The following RC3H1 variants were observed in gnomAD, a reference collection of about 807,000 sequenced individuals.
The protein encoded by RC3H1 is ring finger and CCCH-type domains 1.
RC3H1 carries 50 observed loss-of-function variants against 138.2 expected under a neutral mutation model. The ratio of observed to expected loss-of-function variants is 0.36; its 90% CI spans 0.29 to 0.46. The LOEUF is 0.46. Ranked by LOEUF, RC3H1 falls within the 20% of genes least tolerant of loss-of-function variation. The probability of loss-of-function intolerance (pLI) is 1.00; values close to 1 mark genes in which losing one functional copy is unlikely to be tolerated. For synonymous variants in RC3H1, 462 were observed against 489.1 expected (o/e 0.94, Z 0.73); for missense variants, 1,031 against 1,388.1 (o/e 0.74, Z 4.09).
chr1:173,964,371 A>AGACAGAGT lies in RC3H1; in HGVS notation c.1617-192_1617-185dup, dbSNP rs1283212442. Among the ~76,000 whole-genome samples the AGACAGAGT allele has an allele frequency of 2.7e-5, 4 of 150,252 alleles. No individual in the cohort carries two copies. In the East Asian group the frequency reaches 7.8e-4, roughly 29 times the overall value. ...AATTGTTTCTTTTCTTTTTTTTTTG[A>AGACAGAGT]GACAGAGTCTCGCTCTGTTGCTCTG... On this transcript the variant is annotated intron_variant, in intron 10 of 19. Transcript: ENST00000367696.
Position 173,937,256 on chromosome 1 carries a change from C to T in RC3H1, c.*1465G>A, listed in dbSNP as rs541959991. The T allele has an allele frequency of 1.3e-5, 2 of 152,132 alleles. No individual in the cohort carries two copies. The highest frequency in any genetic ancestry group is 3.9e-4 in the East Asian group (2 of 5,154). 9.4% of individuals were successfully genotyped at this position (152,132 alleles called of 1,614,324 possible). On this transcript the variant is annotated 3_prime_UTR_variant, in exon 20 of 20. Coordinates refer to ENST00000367696, the MANE Select transcript of RC3H1 (RefSeq NM_172071.4). Reference sequence around the variant, plus strand: ...GCTTAGACTGAGGTTGTTATGACCTCAGCAGGAGTTAAGGGTTAAGAAAAT... The same window carrying T: ...GCTTAGACTGAGGTTGTTATGACCTTAGCAGGAGTTAAGGGTTAAGAAAAT...
chr1:174,017,783 C>CTTAAAAAAAAAAA (rs1165317766), intron 1 of RC3H1, among the ~76,000 whole-genome samples: 1 of 72,038 alleles, frequency 1.4e-5, no homozygotes, highest in Non-Finnish European at 2.6e-5. Context: ...TTTTCTTGCT[C>CTTAAAAAAAAAAA]AAAAAAAAAA....
At position 173,947,444 on chromosome 1, in the gene RC3H1, T is replaced by G; in HGVS notation, c.2662A>C (p.Thr888Pro). 1 of 1,613,994 alleles carries G rather than the reference T, an allele frequency of 6.2e-7. No homozygotes were observed. The highest frequency in any genetic ancestry group is 8.5e-7 in the Non-Finnish European group (1 of 1,179,998). ...ATTGGACCAGCACCCTGATATATAG[T>G]TTTGGAAGTTCGTGAGATGGCACCA... ...RFGAISRTSK[T>P]IYQGAGPMQA... The change falls in exon 15 of 20, where the codon ACT (threonine) becomes CCT (proline). Residue 888 changes from threonine to proline, a missense_variant. Thr to Pro is a conservative substitution (Grantham distance 38). This residue lies in a region of RC3H1 where 716 missense variants were observed against 837.9 expected (regional missense o/e 0.85). Coordinates refer to ENST00000367696, the MANE Select transcript of RC3H1 (RefSeq NM_172071.4).
In RC3H1 at chr1:173,993,774, A is replaced by C. The variant is rs549214626; in HGVS notation, c.-150-639T>G. Among the ~76,000 whole-genome samples, 537 of 151,064 alleles carry C rather than the reference A, an allele frequency of 3.6e-3. 4 individuals carry two copies. Among genetic ancestry groups the C allele is most frequent in the African/African-American group, 0.013 (522 of 41,332 alleles). Reference sequence around the variant, plus strand: ...GTGGCTCACGCCTGTAATCCCAGCAATTTGGGAGGCCAAGGCAGGCAGATT... The same window carrying C: ...GTGGCTCACGCCTGTAATCCCAGCACTTTGGGAGGCCAAGGCAGGCAGATT... On this transcript the variant is annotated intron_variant, in intron 1 of 19. Transcript: ENST00000367696.
At chr1:173,971,453 CA>C (rs1164294168) in intron 8 of RC3H1, among the ~76,000 whole-genome samples, 1 of 152,006 alleles carries the variant, frequency 6.6e-6, no homozygotes, top group Non-Finnish European at 1.5e-5. Flanking sequence ...TCTTGACATG[CA>C]GAATAATATA....
At position 173,961,924 on chromosome 1, in the gene RC3H1, G is replaced by C; in HGVS notation, c.2003C>G (p.Ser668Cys). Residue 668 changes from serine to cysteine, a missense_variant, in exon 12 of 20, where the codon TCT (serine) becomes TGT (cysteine). Physicochemically the swap from Ser to Cys is moderately radical, Grantham distance 112. This residue lies in a region of RC3H1 where 716 missense variants were observed against 837.9 expected (regional missense o/e 0.85). Coordinates refer to ENST00000367696, the MANE Select transcript of RC3H1 (RefSeq NM_172071.4). ...GTACACTCGACGGCCATCATAGTGA[G>C]ATGGGTATATAGGTGGGTACTGCTG... ...QPQQYPPIYP[S>C]HYDGRRVYPA... 1 of 1,614,126 alleles carries C rather than the reference G, an allele frequency of 6.2e-7. No homozygotes were observed. Among genetic ancestry groups the C allele is most frequent in the Non-Finnish European group, 8.5e-7 (1 of 1,179,996 alleles).
intron 13 of RC3H1, among the ~76,000 whole-genome samples, chr1:173,958,659 G>A (rs1016705946): frequency 2.0e-5 from 3 of 151,946 alleles, no homozygotes; most frequent in Non-Finnish European, 4.4e-5. Flanking sequence ...GAACATCACT[G>A]TAGACCATCT....
chr1:173,952,690 TTCAA>T (rs1659467881), intron 13 of RC3H1, among the ~76,000 whole-genome samples: 1 of 152,176 alleles, frequency 6.6e-6, no homozygotes, highest in Non-Finnish European at 1.5e-5. Context: ...CTTAGGTTGA[TTCAA>T]TGAGATGAAA....
intron 2 of RC3H1, among the ~76,000 whole-genome samples, chr1:173,985,008 G>GA (rs1660966597): frequency 6.6e-6 from 1 of 152,032 alleles, no homozygotes; most frequent in Non-Finnish European, 1.5e-5. Flanking sequence ...TTGGAAAGAC[G>GA]AATCTATTTT....
Position 173,940,199 on chromosome 1 carries a change from C to T in RC3H1, c.3251+1066G>A, listed in dbSNP as rs556266590. On this transcript the variant is annotated intron_variant, in intron 19 of 19. Coordinates refer to ENST00000367696, the MANE Select transcript of RC3H1 (RefSeq NM_172071.4). ...TAAAAAGACTGGAAAGAGCCGGGTG[C>T]GGTGGCTCATACCTGTAATCCCAGC... 4.2e-4 allele frequency among the ~76,000 whole-genome samples: 64 copies of T among 151,934 alleles called. No homozygotes were observed. The South Asian group carries it at 0.012, about 29-fold the overall frequency.
At chr1:173,965,447 T>C (rs899702317) in intron 9 of RC3H1, among the ~76,000 whole-genome samples, 2 of 151,916 alleles carry the variant, frequency 1.3e-5, no homozygotes, top group Non-Finnish European at 1.5e-5. Context: ...AAAAATTAGC[T>C]GGGTGTGGTG....
rs1159893747 is a variant in RC3H1 at position 173,934,324 on chromosome 1, C to T, written c.*4397G>A. The T allele has an allele frequency of 1.3e-5, 2 of 152,098 alleles. No homozygotes were observed. The highest frequency in any genetic ancestry group is 2.4e-5 in the African/African-American group (1 of 41,410). 9.4% of individuals were successfully genotyped at this position (152,098 alleles called of 1,614,324 possible). A position where few individuals can be genotyped will look rare whatever the true frequency, so the allele number is the denominator to read the frequency against. On this transcript the variant is annotated 3_prime_UTR_variant, in exon 20 of 20. Coordinates refer to ENST00000367696, the MANE Select transcript of RC3H1 (RefSeq NM_172071.4). ...TCTTTTACTCAGACCCATGACTTGA[C>T]CACAGTGATAGCAGAAGCTGGGGTG...
rs769475000 is a variant in RC3H1 at position 173,933,078 on chromosome 1, TAAC to T, written c.*5640_*5642del. 4.9e-5 allele frequency: 7 copies of T among 142,398 alleles called. No individual in the cohort carries two copies. The East Asian group carries it at 7.7e-4, about 16-fold the overall frequency. The allele number at this position is 142,398 out of a possible 1,614,324, so 8.8% of individuals were successfully genotyped here. ...ATCTAGTATAAAATAAACATTAGGA[TAAC>T]AAACTCCACAGGATTTTATTTTTCT... is the stretch of plus-strand genomic sequence containing the variant. On this transcript the variant is annotated 3_prime_UTR_variant, in exon 20 of 20. Transcript: ENST00000367696.
At chr1:173,955,589 G>A (rs1483406118) in intron 13 of RC3H1, among the ~76,000 whole-genome samples, 3 of 151,902 alleles carry the variant, frequency 2.0e-5, no homozygotes, top group Non-Finnish European at 4.4e-5. Flanking sequence ...AAAGTGCTGG[G>A]ATTACAGGTG....
intron 2 of RC3H1, among the ~76,000 whole-genome samples, chr1:173,991,174 G>T (rs1661272822): frequency 6.6e-6 from 1 of 152,132 alleles, no homozygotes; most frequent in Non-Finnish European, 1.5e-5. Context: ...AGATTGCAGT[G>T]AGCCAAGATC....
chr1:173,981,429 T>G (rs2103006959), intron 5 of RC3H1, among the ~76,000 whole-genome samples: 1 of 152,378 alleles, frequency 6.6e-6, no homozygotes, highest in Non-Finnish European at 1.5e-5. Flanking sequence ...ATTTTGGATT[T>G]TTGTATAGTC....
intron 1 of RC3H1, among the ~76,000 whole-genome samples, chr1:174,001,384 A>G (rs1661562506): frequency 6.6e-6 from 1 of 152,256 alleles, no homozygotes; most frequent in African/African-American, 2.4e-5. Flanking sequence ...AGAGGGCATT[A>G]GCCCTCATTA....
Position 173,952,088 on chromosome 1 carries a change from A to G in RC3H1, c.2421T>C (p.Tyr807=), listed in dbSNP as rs1279348200. ...KVAGKYKGND[Y]SQYSPWSCDT... is the part of the protein sequence containing the mutation. ...CACATGACCAGGGAGAGTATTGGCT[A>G]TAATCATTTCCTTTGTATTTCCCAG... Residue 807 remains tyrosine (Y), a synonymous_variant, in exon 14 of 20, where the codon TAT becomes TAC. Coordinates refer to ENST00000367696, the MANE Select transcript of RC3H1 (RefSeq NM_172071.4). 2.5e-6 allele frequency: 4 copies of G among 1,601,062 alleles called. No individual in the cohort carries two copies. Among genetic ancestry groups the G allele is most frequent in the African/African-American group, 1.3e-5 (1 of 74,378 alleles).
intron 1 of RC3H1, among the ~76,000 whole-genome samples, chr1:174,006,708 C>A (rs541111249): frequency 6.6e-6 from 1 of 152,218 alleles, no homozygotes; most frequent in South Asian, 2.1e-4. Context: ...ACTGTTTAAA[C>A]CTACTTGTTT....
Sources: allele counts gnomAD v4.1 joint callset (sites outside exome capture counted in the v4.1 genomes callset), GRCh38; gene constraint gnomAD v4.1.1; regional missense constraint gnomAD v4.1.1; transcripts MANE v1.5; gene names NCBI Gene and HGNC (gene_info 2026-07-23, HGNC 2026-07-21).